BCAS3: variants seen among roughly 807,000 people sequenced by gnomAD.
BCAS3 encodes BCAS4/BCAS3 fusion.
A neutral mutation model predicts 116.1 loss-of-function variants in BCAS3; 53 were observed. The ratio of observed to expected loss-of-function variants is 0.46; its 90% CI spans 0.37 to 0.57. The LOEUF is 0.57. Ranked by LOEUF, BCAS3 falls within the 20% of genes least tolerant of loss-of-function variation. The pLI, the probability that BCAS3 is intolerant of heterozygous loss-of-function variation, is 0.00. For missense variants in BCAS3, 917 were observed against 1,165.4 expected (o/e 0.79, Z 3.10); for synonymous variants, 391 against 408.2 (o/e 0.96, Z 0.51).
intron 7 of BCAS3, among the ~76,000 whole-genome samples, chr17:60,855,399 G>A (rs1265548693): frequency 1.3e-5 from 2 of 151,118 alleles, no homozygotes; most frequent in African/African-American, 4.9e-5. Flanking sequence ...AGCAATGTGT[G>A]AGTGATCCCA....
At chr17:60,809,178 G>A (rs58196211) in intron 7 of BCAS3, among the ~76,000 whole-genome samples, 5,054 of 151,564 alleles carry the variant, frequency 0.033, 260 homozygotes, top group African/African-American at 0.11. Flanking sequence ...CAACTACCCG[G>A]AAGGCTGAGG....
intron 10 of BCAS3, among the ~76,000 whole-genome samples, chr17:60,893,686 G>T (rs1311537147): frequency 7.6e-6 from 1 of 131,128 alleles, no homozygotes; most frequent in African/African-American, 3.0e-5. Flanking sequence ...TCTGCTTGTT[G>T]CAACCTCCGC....
chr17:61,120,301 T>A (rs1185624888), intron 22 of BCAS3, among the ~76,000 whole-genome samples: 5 of 152,044 alleles, frequency 3.3e-5, no homozygotes, highest in Non-Finnish European at 7.4e-5. Flanking sequence ...CAACAATTGC[T>A]AACATTATGT....
rs2049623562 is a variant in BCAS3 at position 61,265,613 on chromosome 17, A to G, written c.2426-102714A>G. 6.6e-6 allele frequency among the ~76,000 whole-genome samples: 1 copy of G among 152,168 alleles called. No individual in the cohort carries two copies. The highest frequency in any genetic ancestry group is 2.1e-4 in the South Asian group (1 of 4,830). Reference sequence around the variant, plus strand: ...TGTTGACTTTACGTAAGGATTGCCAATTCATGCCCAAACTTAGTGAAGCAA... The same window carrying G: ...TGTTGACTTTACGTAAGGATTGCCAGTTCATGCCCAAACTTAGTGAAGCAA... On this transcript the variant is annotated intron_variant, in intron 22 of 23. Transcript: ENST00000407086. This position sits in a 1 kb window ranked among gnomAD's most constrained non-coding sequence, Gnocchi z 4.3.
intron 19 of BCAS3, among the ~76,000 whole-genome samples, chr17:61,057,042 A>G (rs115203837): frequency 1.4e-4 from 22 of 152,350 alleles, no homozygotes; most frequent in African/African-American, 5.3e-4. Flanking sequence ...TCTCGACCAT[A>G]GGAAATGTAA....
chr17:60,709,832 T>G (rs922608341), intron 5 of BCAS3, among the ~76,000 whole-genome samples: 3 of 152,248 alleles, frequency 2.0e-5, no homozygotes, highest in Admixed American at 6.5e-5. Flanking sequence ...GTGCCTTTTT[T>G]GGGTGACCAA....
intron 22 of BCAS3, among the ~76,000 whole-genome samples, chr17:61,108,347 T>G (rs1200631448): frequency 2.0e-5 from 3 of 152,170 alleles, no homozygotes; most frequent in South Asian, 2.1e-4. Flanking sequence ...AAAAAACATA[T>G]AGTTGAGTCA....
chr17:60,795,189 G>A (rs12325749), intron 6 of BCAS3, among the ~76,000 whole-genome samples: 34,890 of 151,920 alleles, frequency 0.23, 7,231 homozygotes, highest in African/African-American at 0.56. Flanking sequence ...ATTATAAAAG[G>A]GCTTGAGTTC....
At chr17:60,691,836 T>G (rs976901100) in intron 4 of BCAS3, among the ~76,000 whole-genome samples, 5 of 152,098 alleles carry the variant, frequency 3.3e-5, no homozygotes, top group Admixed American at 6.6e-5. Flanking sequence ...TAATAACAAT[T>G]TGTTGGGTCC....
At chr17:60,846,798 C>A (rs1403381892) in intron 7 of BCAS3, among the ~76,000 whole-genome samples, 1 of 152,084 alleles carries the variant, frequency 6.6e-6, no homozygotes, top group African/African-American at 2.4e-5. Flanking sequence ...TCCCTCCCTC[C>A]CTCTCTTTCT....
At chr17:60,791,162 C>G (rs183272707) in intron 6 of BCAS3, among the ~76,000 whole-genome samples, 3 of 152,072 alleles carry the variant, frequency 2.0e-5, no homozygotes, top group African/African-American at 7.2e-5. Flanking sequence ...CTCAAACCTC[C>G]GGTGTAGATA....
At position 61,243,201 on chromosome 17, in the gene BCAS3, C is replaced by T. The variant is rs1057272402; in HGVS notation, c.2426-125126C>T. Among the ~76,000 whole-genome samples the T allele has an allele frequency of 2.6e-5, 4 of 152,186 alleles. No individual in the cohort carries two copies. Among genetic ancestry groups the T allele is most frequent in the Non-Finnish European group, 4.4e-5 (3 of 68,030 alleles). On this transcript the variant is annotated intron_variant, in intron 22 of 23. Transcript: ENST00000407086. The surrounding 1 kb of genome is among the most constrained non-coding windows in gnomAD (Gnocchi z 5.6). Reference sequence around the variant, plus strand: ...CTGGGATTACAGGCATGAGCCACTGCGCCCTACTGCTATACACATTTAATG... The same window carrying T: ...CTGGGATTACAGGCATGAGCCACTGTGCCCTACTGCTATACACATTTAATG...
rs572085464 is a variant in BCAS3, at chr17:61,239,958, G to C, written c.2426-128369G>C. ...GTGTTGGAAGTTCTCAGCCCTAAAAGTTCTGCACTTGAATGTTAAATATAT... is the reference window on the plus strand; with the variant it reads ...GTGTTGGAAGTTCTCAGCCCTAAAACTTCTGCACTTGAATGTTAAATATAT... On this transcript the variant is annotated intron_variant, in intron 22 of 23. Transcript: ENST00000407086. The surrounding 1 kb of genome is among the most constrained non-coding windows in gnomAD (Gnocchi z 4.2). Among the ~76,000 whole-genome samples, 16 of 152,320 alleles carry C rather than the reference G, an allele frequency of 1.1e-4. No individual in the cohort carries two copies. Among genetic ancestry groups the C allele is most frequent in the African/African-American group, 3.4e-4 (14 of 41,572 alleles).
At chr17:60,926,419 A>G (rs1390902690) in intron 13 of BCAS3, among the ~76,000 whole-genome samples, 1 of 152,196 alleles carries the variant, frequency 6.6e-6, no homozygotes, top group East Asian at 1.9e-4. Flanking sequence ...GTAAGGGATT[A>G]TCATTATATA....
chr17:60,748,436 C>G (rs190266530), intron 6 of BCAS3, among the ~76,000 whole-genome samples: 4 of 152,300 alleles, frequency 2.6e-5, no homozygotes. Context: ...CTCTCATGCT[C>G]TGTCACTCTC....
At chr17:60,837,285 A>C (rs1449387551) in intron 7 of BCAS3, among the ~76,000 whole-genome samples, 1 of 152,200 alleles carries the variant, frequency 6.6e-6, no homozygotes, top group Non-Finnish European at 1.5e-5. Flanking sequence ...TTTTATATTC[A>C]GCAGATTATC....
At chr17:60,685,788 TAATGGTGA>T (rs1439611558) in intron 3 of BCAS3, among the ~76,000 whole-genome samples, 1 of 152,162 alleles carries the variant, frequency 6.6e-6, no homozygotes, top group Non-Finnish European at 1.5e-5. Flanking sequence ...TTTCTAATTG[TAATGGTGA>T]GACGTCGTCA....
intron 7 of BCAS3, among the ~76,000 whole-genome samples, chr17:60,839,593 G>A (rs186005158): frequency 6.6e-6 from 1 of 152,148 alleles, no homozygotes; most frequent in African/African-American, 2.4e-5. Flanking sequence ...ATATGGTTAC[G>A]TTTCCATTTT....
chr17:61,234,527 G>A (rs2082876173), intron 22 of BCAS3, among the ~76,000 whole-genome samples: 1 of 152,104 alleles, frequency 6.6e-6, no homozygotes, highest in Non-Finnish European at 1.5e-5. Flanking sequence ...AAAATCAATA[G>A]ACCTCCCTCC....
Sources: allele counts gnomAD v4.1 joint callset (sites outside exome capture counted in the v4.1 genomes callset), GRCh38; gene constraint gnomAD v4.1.1; non-coding constraint Gnocchi (gnomAD v3.1); transcripts MANE v1.5; gene names NCBI Gene and HGNC (gene_info 2026-07-23, HGNC 2026-07-21).